KHDRBS2: variants seen among roughly 807,000 people sequenced by gnomAD.
KHDRBS2 encodes KH domain-containing, RNA-binding, signal transduction-associated protein 2.
Under a neutral mutation model 44.3 loss-of-function variants are expected in KHDRBS2, and 26 were observed. The ratio of observed to expected loss-of-function variants is 0.59; its 90% CI spans 0.43 to 0.81. The LOEUF is 0.81. Ranked by LOEUF, KHDRBS2 falls within the 40% of genes least tolerant of loss-of-function variation. The pLI is 0.00. For synonymous variants in KHDRBS2, 194 were observed against 151.1 expected (o/e 1.28, Z -2.08); for missense variants, 476 against 433.1 (o/e 1.10, Z -0.88).
intron 1 of KHDRBS2, among the ~76,000 whole-genome samples, chr6:62,257,805 T>C (rs1337268395): frequency 6.6e-6 from 1 of 152,038 alleles, no homozygotes; most frequent in African/African-American, 2.4e-5. Flanking sequence ...GCTAAAACTA[T>C]GGAGCATGTA....
At chr6:61,825,700 G>T (rs1790744327) in intron 6 of KHDRBS2, among the ~76,000 whole-genome samples, 1 of 152,016 alleles carries the variant, frequency 6.6e-6, no homozygotes, top group Admixed American at 6.6e-5. Flanking sequence ...TAATGGCTAG[G>T]AACACAGACA....
chr6:61,910,398 A>C (rs1307756666), intron 4 of KHDRBS2, among the ~76,000 whole-genome samples: 1 of 152,302 alleles, frequency 6.6e-6, no homozygotes, highest in African/African-American at 2.4e-5. Context: ...AGGCTTTATA[A>C]AACTTATTCA....
chr6:61,588,021 T>G, the KHDRBS2 span, among the ~76,000 whole-genome samples: 314 of 152,346 alleles, frequency 2.1e-3, 1 homozygote, highest in South Asian at 0.024. Flanking sequence ...CAGATATTTA[T>G]GAACTGCATA....
At chr6:61,918,756 C>A (rs1807490447) in intron 4 of KHDRBS2, among the ~76,000 whole-genome samples, 2 of 152,016 alleles carry the variant, frequency 1.3e-5, no homozygotes, top group Admixed American at 1.3e-4. Flanking sequence ...ATAATATTGC[C>A]TTTGCTGTGA....
chr6:61,656,912 T>A, the KHDRBS2 span, among the ~76,000 whole-genome samples: 1 of 152,152 alleles, frequency 6.6e-6, no homozygotes, highest in Admixed American at 6.6e-5. Flanking sequence ...GATATGTTCT[T>A]ATTTAATCAT....
chr6:61,632,731 C>T, the KHDRBS2 span, among the ~76,000 whole-genome samples: 2 of 152,056 alleles, frequency 1.3e-5, no homozygotes, highest in African/African-American at 4.8e-5. Flanking sequence ...GGCAGGGTCA[C>T]TGCACATTTT....
chr6:62,209,842 T>G (rs1176394355), intron 1 of KHDRBS2, among the ~76,000 whole-genome samples: 1 of 152,168 alleles, frequency 6.6e-6, no homozygotes, highest in African/African-American at 2.4e-5. Flanking sequence ...TCCAAGTTCT[T>G]TAGCTTTTGG....
chr6:61,663,851 T>A, the KHDRBS2 span, among the ~76,000 whole-genome samples: 1 of 151,696 alleles, frequency 6.6e-6, no homozygotes, highest in Non-Finnish European at 1.5e-5. Context: ...CTATTAAAAA[T>A]TCCTGGGATT....
chr6:62,078,450 T>C (rs1796761751), intron 2 of KHDRBS2, among the ~76,000 whole-genome samples: 1 of 151,992 alleles, frequency 6.6e-6, no homozygotes, highest in East Asian at 1.9e-4. Flanking sequence ...TCAAATTTTA[T>C]AGTACAAAAA....
chr6:61,975,680 C>CACACACACACACACACAG (rs148696826), intron 4 of KHDRBS2, among the ~76,000 whole-genome samples: 14 of 149,742 alleles, frequency 9.3e-5, no homozygotes, highest in East Asian at 5.9e-4. Flanking sequence ...CACACACACA[C>CACACACACACACACACAG]AGAGAGATAT....
intron 3 of KHDRBS2, among the ~76,000 whole-genome samples, chr6:62,013,938 T>A (rs1371321477): frequency 1.3e-5 from 2 of 152,204 alleles, no homozygotes; most frequent in Non-Finnish European, 2.9e-5. Context: ...AGATGTTCCC[T>A]GCTCCACAGT....
chr6:61,831,983 G>A (rs766680453), intron 6 of KHDRBS2, among the ~76,000 whole-genome samples: 36 of 152,286 alleles, frequency 2.4e-4, no homozygotes, highest in African/African-American at 8.2e-4. Flanking sequence ...GATCATGCCT[G>A]TAATCCCAGA....
chr6:61,952,973 C>A (rs1765086558), intron 4 of KHDRBS2, among the ~76,000 whole-genome samples: 1 of 151,746 alleles, frequency 6.6e-6, no homozygotes. Context: ...GAATCATATG[C>A]CTTAGAACTT....
chr6:61,589,324 G>A, the KHDRBS2 span, among the ~76,000 whole-genome samples: 2 of 152,158 alleles, frequency 1.3e-5, no homozygotes, highest in African/African-American at 2.4e-5. Context: ...GATAATTCTA[G>A]CTTTGACCTT....
the KHDRBS2 span, among the ~76,000 whole-genome samples, chr6:61,567,729 T>C: frequency 6.6e-6 from 1 of 152,054 alleles, no homozygotes; most frequent in Non-Finnish European, 1.5e-5. Context: ...CTCCTTCTCT[T>C]CCCTGCTCTT....
In KHDRBS2 at chr6:61,779,976, C is replaced by T. The variant is rs576585382; in HGVS notation, c.811-47212G>A. 4.1e-4 allele frequency among the ~76,000 whole-genome samples: 63 copies of T among 152,060 alleles called. 1 individual carries two copies. Among genetic ancestry groups the T allele is most frequent in the Middle Eastern group, 3.4e-3 (1 of 292 alleles). ...ATATTGTAGCAATTTATTTCCTCTC[C>T]TAAGCTAAATTTCAGTACACTACTG... On this transcript the variant is annotated intron_variant, in intron 6 of 8. Transcript: ENST00000281156.
rs1369971897 is a variant in KHDRBS2 at position 62,086,091 on chromosome 6, GA to G, written c.220-38098del. ...CAACAATTCAACTGGATGTTTGAAA[GA>G]GTTTGGAAATTATGTATAATTGTGT... On this transcript the variant is annotated intron_variant, in intron 2 of 8. Transcript: ENST00000281156. Among the ~76,000 whole-genome samples the G allele has an allele frequency of 2.6e-5, 4 of 152,126 alleles. No homozygotes were observed. In the East Asian group the frequency reaches 7.7e-4, roughly 29 times the overall value.
At chr6:61,560,095 G>A in the KHDRBS2 span, among the ~76,000 whole-genome samples, 3 of 152,064 alleles carry the variant, frequency 2.0e-5, no homozygotes, top group South Asian at 2.1e-4. Flanking sequence ...TTAGGGTAAG[G>A]TTTTTCCTTC....
the KHDRBS2 span, among the ~76,000 whole-genome samples, chr6:61,544,952 G>A: frequency 1.3e-5 from 2 of 151,990 alleles, no homozygotes; most frequent in Non-Finnish European, 2.9e-5. Flanking sequence ...AGTGGCGAGG[G>A]ATAGCATTAG....
Sources: allele counts gnomAD v4.1 joint callset (sites outside exome capture counted in the v4.1 genomes callset), GRCh38; gene constraint gnomAD v4.1.1; transcripts MANE v1.5; gene names NCBI Gene and HGNC (gene_info 2026-07-23, HGNC 2026-07-21).